MEIKIN: variants seen among roughly 807,000 people sequenced by gnomAD.
MEIKIN encodes the protein meiosis-specific kinetochore protein.
In MEIKIN at chr5:131,845,419, T is replaced by C. The variant is rs139620150; in HGVS notation, c.975+5845A>G. Among the ~76,000 whole-genome samples the C allele has an allele frequency of 3.7e-3, 565 of 150,682 alleles. 4 individuals carry two copies. Among genetic ancestry groups the C allele is most frequent in the African/African-American group, 0.013 (536 of 41,038 alleles). On this transcript the variant is annotated intron_variant, in intron 11 of 12. Transcript: ENST00000442687. ...GCATAAAAGAAACAGAAAAGTATGG[T>C]ACATTCAAATGGAAAAGAAAATCAG...
Position 131,872,323 on chromosome 5 carries a change from A to C in MEIKIN, c.774+6655T>G, listed in dbSNP as rs1199534810. ...CTTAAAAGACCTGATGGAGCTGAAA[A>C]CCACGGCACGAGAACTATGTGACGA... On this transcript the variant is annotated intron_variant, in intron 9 of 12. Coordinates refer to ENST00000442687, the MANE Select transcript of MEIKIN (RefSeq NM_001303622.2). Among the ~76,000 whole-genome samples, 3 of 152,244 alleles carry C rather than the reference A, an allele frequency of 2.0e-5. No homozygotes were observed. In the East Asian group the frequency reaches 5.8e-4, roughly 29 times the overall value.
intron 12 of MEIKIN, among the ~76,000 whole-genome samples, chr5:131,817,613 CA>C (rs36057131): frequency 7.1e-4 from 103 of 144,360 alleles, no homozygotes; most frequent in African/African-American, 1.7e-3. Flanking sequence ...GAGAATCTGT[CA>C]AAAAAAAAAA....
At chr5:131,835,653 G>T (rs1404558028) in intron 11 of MEIKIN, among the ~76,000 whole-genome samples, 5 of 152,138 alleles carry the variant, frequency 3.3e-5, no homozygotes, top group Non-Finnish European at 7.3e-5. Flanking sequence ...GAGTGCAGTG[G>T]TGCAATCTTG....
chr5:131,897,811 G>C (rs180679929), intron 8 of MEIKIN, among the ~76,000 whole-genome samples: 1 of 151,866 alleles, frequency 6.6e-6, no homozygotes, highest in Non-Finnish European at 1.5e-5. Context: ...AAGGTTTTTA[G>C]CTTGAAATAG....
At chr5:131,817,368 T>C (rs1773119045) in intron 12 of MEIKIN, among the ~76,000 whole-genome samples, 1 of 151,954 alleles carries the variant, frequency 6.6e-6, no homozygotes, top group Admixed American at 6.6e-5. Context: ...TCCCAACACT[T>C]TGAGAGGCCA....
chr5:131,936,594 CTTT>C (rs1213815784), intron 4 of MEIKIN, among the ~76,000 whole-genome samples: 1 of 151,998 alleles, frequency 6.6e-6, no homozygotes, highest in African/African-American at 2.4e-5. Flanking sequence ...TTTGTTCCAA[CTTT>C]TTTTTCTTTC....
At chr5:131,885,475 T>A (rs531064955) in intron 8 of MEIKIN, among the ~76,000 whole-genome samples, 1 of 150,400 alleles carries the variant, frequency 6.6e-6, no homozygotes, top group African/African-American at 2.4e-5. Flanking sequence ...AGAAAAAGAG[T>A]CTCTGCCTGG....
intron 4 of MEIKIN, among the ~76,000 whole-genome samples, chr5:131,937,988 T>A (rs543943190): frequency 1.3e-5 from 2 of 152,248 alleles, no homozygotes; most frequent in East Asian, 1.9e-4. Flanking sequence ...TTTTTAATTC[T>A]AGGAAAATTT....
At chr5:131,916,400 G>C (rs1476491662) in intron 7 of MEIKIN, among the ~76,000 whole-genome samples, 3 of 152,186 alleles carry the variant, frequency 2.0e-5, no homozygotes, top group African/African-American at 7.2e-5. Context: ...TTCCCAAGGA[G>C]ACAACTATGC....
chr5:131,904,306 T>C (rs1751209344), intron 8 of MEIKIN, among the ~76,000 whole-genome samples: 1 of 152,146 alleles, frequency 6.6e-6, no homozygotes, highest in Non-Finnish European at 1.5e-5. Flanking sequence ...AACACAACAC[T>C]TGACCAAATG....
chr5:131,891,154 G>A (rs931411790), intron 8 of MEIKIN, among the ~76,000 whole-genome samples: 2 of 151,010 alleles, frequency 1.3e-5, no homozygotes, highest in African/African-American at 4.9e-5. Context: ...GTCAATTTTG[G>A]AATAGGTGTG....
At position 131,835,625 on chromosome 5, in the gene MEIKIN, G is replaced by A. The variant is rs987776521; in HGVS notation, c.975+15639C>T. Among the ~76,000 whole-genome samples the A allele has an allele frequency of 3.9e-5, 6 of 152,138 alleles. No individual in the cohort carries two copies. In the East Asian group the frequency reaches 1.2e-3, roughly 29 times the overall value. On this transcript the variant is annotated intron_variant, in intron 11 of 12. Coordinates refer to ENST00000442687, the MANE Select transcript of MEIKIN (RefSeq NM_001303622.2). ...TTTTTGTTTTTTGAGACGGAGTCTC[G>A]CTCTGTTACCCAGGCTGGAGTGCAG...
chr5:131,945,638 C>CGAGCGA lies in MEIKIN; in HGVS notation c.-139_-134dup. The CGAGCGA allele has an allele frequency of 2.5e-6, 1 of 395,858 alleles. No homozygotes were observed. Among genetic ancestry groups the CGAGCGA allele is most frequent in the East Asian group, 3.6e-5 (1 of 27,862 alleles). The allele number at this position is 395,858 out of a possible 1,614,324, so 24.5% of individuals were successfully genotyped here. A position where few individuals can be genotyped will look rare whatever the true frequency, so the allele number is the denominator to read the frequency against. On this transcript the variant is annotated 5_prime_UTR_variant, in exon 1 of 13. Transcript: ENST00000442687. ...GCGGAGCAGCCTCACAGCAACTAATCGAGCGAAAGCAAAAGCCCCAGAACT... is the reference window on the plus strand; with the variant it reads ...GCGGAGCAGCCTCACAGCAACTAATCGAGCGAGAGCGAAAGCAAAAGCCCCAGAACT...
intron 12 of MEIKIN, among the ~76,000 whole-genome samples, chr5:131,815,907 G>C (rs528760192): frequency 2.8e-4 from 42 of 152,302 alleles, no homozygotes; most frequent in African/African-American, 1.0e-3. Flanking sequence ...AATAGAAGAA[G>C]GTGGTTATAA....
chr5:131,862,433 T>C (rs1340160651), intron 9 of MEIKIN, among the ~76,000 whole-genome samples: 5 of 152,172 alleles, frequency 3.3e-5, no homozygotes, highest in Admixed American at 2.0e-4. Context: ...TTAGTCTCTA[T>C]TTCATTTCTT....
At chr5:131,889,503 C>T (rs1186539832) in intron 8 of MEIKIN, among the ~76,000 whole-genome samples, 1 of 152,172 alleles carries the variant, frequency 6.6e-6, no homozygotes, top group Non-Finnish European at 1.5e-5. Flanking sequence ...CATGATTTGG[C>T]TCCCTGTTTC....
chr5:131,819,763 C>CTTTT (rs1351080323), intron 11 of MEIKIN, among the ~76,000 whole-genome samples: 12 of 116,942 alleles, frequency 1.0e-4, no homozygotes, highest in African/African-American at 4.0e-4. Flanking sequence ...CTACATCCAG[C>CTTTT]TATTTTTTTT....
At chr5:131,879,388 A>T (rs911432120) in intron 8 of MEIKIN, among the ~76,000 whole-genome samples, 1 of 151,122 alleles carries the variant, frequency 6.6e-6, no homozygotes, top group African/African-American at 2.5e-5. Flanking sequence ...TTTCTACTAC[A>T]ATTTTTTCTT....
At chr5:131,823,043 C>T (rs1749547119) in intron 11 of MEIKIN, among the ~76,000 whole-genome samples, 1 of 150,592 alleles carries the variant, frequency 6.6e-6, no homozygotes, top group Admixed American at 6.7e-5. Context: ...AAGGTTTCTA[C>T]TGTAAAGTCT....
Sources: gnomAD v4.1 joint callset for allele counts (sites outside exome capture counted in the v4.1 genomes callset) on GRCh38, gnomAD v4.1.1 for gene constraint, MANE v1.5 for transcripts, NCBI Gene and HGNC (gene_info 2026-07-23, HGNC 2026-07-21) for gene names.